USP6NL: variants seen among roughly 807,000 people sequenced by gnomAD.
USP6NL encodes the protein USP6 N-terminal-like protein.
A neutral mutation model predicts 61.9 loss-of-function variants in USP6NL; 26 were observed. The observed-to-expected ratio is 0.42, with a 90% CI of 0.31 to 0.58. USP6NL has a LOEUF of 0.58. Among genes scored for constraint, USP6NL ranks in the 20% least tolerant of loss-of-function variants. The pLI, the probability that USP6NL is intolerant of heterozygous loss-of-function variation, is 0.16. For missense variants in USP6NL, 1,114 were observed against 1,034.3 expected (o/e 1.08, Z -1.06); for synonymous variants, 432 against 390.1 (o/e 1.11, Z -1.27).
intron 2 of USP6NL, among the ~76,000 whole-genome samples, chr10:11,586,082 T>C (rs765776570): frequency 6.6e-6 from 1 of 152,230 alleles, no homozygotes; most frequent in Non-Finnish European, 1.5e-5. Context: ...AAATGGTCTG[T>C]GTACTTTACC....
intron 14 of USP6NL, among the ~76,000 whole-genome samples, chr10:11,472,336 C>G (rs896986922): frequency 2.6e-5 from 4 of 152,224 alleles, no homozygotes; most frequent in Non-Finnish European, 5.9e-5. Flanking sequence ...TGTCACCCCC[C>G]AGTGGACGCC....
chr10:11,524,472 G>C (rs1591885983), intron 4 of USP6NL, among the ~76,000 whole-genome samples: 1 of 152,222 alleles, frequency 6.6e-6, no homozygotes, highest in African/African-American at 2.4e-5. Context: ...ATATTCTCCA[G>C]CTCTGGGAAC....
intron 2 of USP6NL, among the ~76,000 whole-genome samples, chr10:11,542,905 C>G (rs966181345): frequency 6.6e-6 from 1 of 152,068 alleles, no homozygotes; most frequent in African/African-American, 2.4e-5. Context: ...AACATGTCTC[C>G]GTCACCTCCT....
rs1838872858 is a variant in USP6NL at position 11,611,034 on chromosome 10, G to T, written c.-84+409C>A. Among the ~76,000 whole-genome samples, 1 of 152,162 alleles carries T rather than the reference G, an allele frequency of 6.6e-6. No individual in the cohort carries two copies. The highest frequency in any genetic ancestry group is 2.4e-5 in the African/African-American group (1 of 41,450). ...CCAAACAAAGTTCCGCGGCATCAAG[G>T]CAGTCATTTAAAGGCACGAAGTTTG... On this transcript the variant is annotated intron_variant, in intron 1 of 14. Transcript: ENST00000609104. This position sits in a 1 kb window ranked among gnomAD's most constrained non-coding sequence, Gnocchi z 5.3.
chr10:11,520,558 G>T lies in USP6NL; in HGVS notation c.156-1984C>A, dbSNP rs1216503280. On this transcript the variant is annotated intron_variant, in intron 4 of 14. Transcript: ENST00000609104. This position sits in a 1 kb window ranked among gnomAD's most constrained non-coding sequence, Gnocchi z 5.2. The stretch of plus-strand genomic sequence containing the variant: ...TGAATGAAGATATGAACAGGAGGAT[G>T]AACACATGCCTGCAGGCATGGATGC... Among the ~76,000 whole-genome samples the T allele has an allele frequency of 1.3e-5, 2 of 152,224 alleles. No individual in the cohort carries two copies. The highest frequency in any genetic ancestry group is 2.9e-5 in the Non-Finnish European group (2 of 68,038).
At chr10:11,555,433 A>AAAAAAAAATAT (rs1275798295) in intron 2 of USP6NL, among the ~76,000 whole-genome samples, 7 of 49,020 alleles carry the variant, frequency 1.4e-4, no homozygotes, top group African/African-American at 1.9e-4. Flanking sequence ...AAAAAAAAAA[A>AAAAAAAAATAT]ATATATATAT....
rs1271746965 is a variant in USP6NL, at chr10:11,491,706, T to C, written c.495-826A>G. Among the ~76,000 whole-genome samples the C allele has an allele frequency of 1.3e-5, 2 of 152,158 alleles. No homozygotes were observed. The highest frequency in any genetic ancestry group is 2.9e-5 in the Non-Finnish European group (2 of 68,016). On this transcript the variant is annotated intron_variant, in intron 8 of 14. Coordinates refer to ENST00000609104, the MANE Select transcript of USP6NL (RefSeq NM_014688.5). The surrounding 1 kb of genome is among the most constrained non-coding windows in gnomAD (Gnocchi z 4.7). ...GGAGAACACTTGGGGCATCTCTTACTAGTATCACTGAGCCCTGTGATGAAA... is the reference window on the plus strand; with the variant it reads ...GGAGAACACTTGGGGCATCTCTTACCAGTATCACTGAGCCCTGTGATGAAA...
intron 4 of USP6NL, among the ~76,000 whole-genome samples, chr10:11,521,052 T>C (rs1485888931): frequency 6.6e-6 from 1 of 152,172 alleles, no homozygotes; most frequent in East Asian, 1.9e-4. Flanking sequence ...ACTCTTAAAC[T>C]TTGAAAGTAT....
chr10:11,492,510 T>G (rs1476972531), intron 8 of USP6NL, among the ~76,000 whole-genome samples: 1 of 152,248 alleles, frequency 6.6e-6, no homozygotes, highest in African/African-American at 2.4e-5. Context: ...CAGCTTCAGC[T>G]CATCCCCGAG....
At chr10:11,467,293 G>T (rs1031950775) in intron 14 of USP6NL, among the ~76,000 whole-genome samples, 3 of 152,080 alleles carry the variant, frequency 2.0e-5, no homozygotes, top group Non-Finnish European at 4.4e-5. Flanking sequence ...GAAAAGAGCA[G>T]GTAAATATAT....
At position 11,511,285 on chromosome 10, in the gene USP6NL, ATAT is replaced by A. The variant is rs1834705398; in HGVS notation, c.196-1613_196-1611del. Among the ~76,000 whole-genome samples, 3 of 152,218 alleles carry A rather than the reference ATAT, an allele frequency of 2.0e-5. No homozygotes were observed. The South Asian group carries it at 6.2e-4, about 32-fold the overall frequency. On this transcript the variant is annotated intron_variant, in intron 5 of 14. Coordinates refer to ENST00000609104, the MANE Select transcript of USP6NL (RefSeq NM_014688.5). This position sits in a 1 kb window ranked among gnomAD's most constrained non-coding sequence, Gnocchi z 4.9. ...AAAGGCTAAGTATATTTTCCTCATT[ATAT>A]TATTAGTGATAAACTGTTGCAGATG...
chr10:11,527,642 CA>C (rs1339246717), intron 2 of USP6NL, 75 bp from the exon 3 acceptor site: 34 of 1,284,638 alleles, frequency 2.6e-5, no homozygotes, highest in Non-Finnish European at 2.2e-5. Flanking sequence ...GAAACTAAGA[CA>C]TAATAAAACA....
intron 2 of USP6NL, among the ~76,000 whole-genome samples, chr10:11,551,018 T>C (rs968611837): frequency 2.0e-5 from 3 of 152,198 alleles, no homozygotes; most frequent in African/African-American, 7.2e-5. Context: ...AGAACTCTCC[T>C]GCAGCATGCG....
In USP6NL at chr10:11,561,350, TAA is replaced by T. The variant is rs1223087561; in HGVS notation, c.5-33785_5-33784del. Among the ~76,000 whole-genome samples, 1 of 152,202 alleles carries T rather than the reference TAA, an allele frequency of 6.6e-6. No individual in the cohort carries two copies. Among genetic ancestry groups the T allele is most frequent in the African/African-American group, 2.4e-5 (1 of 41,444 alleles). On this transcript the variant is annotated intron_variant, in intron 2 of 14. Transcript: ENST00000609104. The surrounding 1 kb of genome is among the most constrained non-coding windows in gnomAD (Gnocchi z 4.1). ...TGTTAACTTTTTTGGTGGGTTTCCATAAAGTCTTTCTCCTTTGCACATTCTAA... is the reference window on the plus strand; with the variant it reads ...TGTTAACTTTTTTGGTGGGTTTCCATAGTCTTTCTCCTTTGCACATTCTAA...
chr10:11,503,858 C>T (rs1834320083), intron 6 of USP6NL, among the ~76,000 whole-genome samples: 1 of 152,022 alleles, frequency 6.6e-6, no homozygotes, highest in African/African-American at 2.4e-5. Context: ...TGCCCAAAAG[C>T]AAGCACAAGA....
rs968925035 is a variant in USP6NL at position 11,478,347 on chromosome 10, G to A, written c.1078+3423C>T. ...ACCTGCTGACAGCCACGTTTCATAT[G>A]GTACACGAGTGGGGGATGGAATGTG... On this transcript the variant is annotated intron_variant, in intron 14 of 14. Transcript: ENST00000609104. This position sits in a 1 kb window ranked among gnomAD's most constrained non-coding sequence, Gnocchi z 6.8. Among the ~76,000 whole-genome samples, 3 of 152,134 alleles carry A rather than the reference G, an allele frequency of 2.0e-5. No individual in the cohort carries two copies. Among genetic ancestry groups the A allele is most frequent in the African/African-American group, 7.2e-5 (3 of 41,426 alleles).
At chr10:11,516,454 G>A (rs1192849521) in intron 5 of USP6NL, among the ~76,000 whole-genome samples, 3 of 152,162 alleles carry the variant, frequency 2.0e-5, no homozygotes, top group Non-Finnish European at 4.4e-5. Flanking sequence ...ACTAGGACTA[G>A]GCAGTCACCA....
rs182917239 is a variant in USP6NL, at chr10:11,486,059, A to G, written c.665-148T>C. 6.8e-4 allele frequency: 372 copies of G among 549,374 alleles called. 2 individuals are homozygous for G. The highest frequency in any genetic ancestry group is 1.2e-3 in the Admixed American group (32 of 25,608). 34.0% of individuals were successfully genotyped at this position (549,374 alleles called of 1,614,324 possible). A position where few individuals can be genotyped will look rare whatever the true frequency, so the allele number is the denominator to read the frequency against. Reference sequence around the variant, plus strand: ...AATATTTTTTCTCCCCACCTAGGAAAAAACTGTATATAAGCTTTGGGTAAT... The same window carrying G: ...AATATTTTTTCTCCCCACCTAGGAAGAAACTGTATATAAGCTTTGGGTAAT... On this transcript the variant is annotated intron_variant, in intron 10 of 14. Coordinates refer to ENST00000609104, the MANE Select transcript of USP6NL (RefSeq NM_014688.5).
At chr10:11,610,372 G>A (rs1393706506) in intron 1 of USP6NL, among the ~76,000 whole-genome samples, 2 of 152,108 alleles carry the variant, frequency 1.3e-5, no homozygotes, top group African/African-American at 2.4e-5. Context: ...CTTGCTGCTG[G>A]CTAATTTATT....
Sources: gnomAD v4.1 joint callset for allele counts (sites outside exome capture counted in the v4.1 genomes callset) on GRCh38, gnomAD v4.1.1 for gene constraint, Gnocchi (gnomAD v3.1) non-coding constraint, MANE v1.5 for transcripts, NCBI Gene and HGNC (gene_info 2026-07-23, HGNC 2026-07-21) for gene names.